The following NUDT22 variants were observed in gnomAD, a reference collection of about 807,000 sequenced individuals.
NUDT22 encodes nudix hydrolase 22.
NUDT22 carries 23 observed loss-of-function variants against 28.8 expected under a neutral mutation model. The ratio of observed to expected loss-of-function variants is 0.80; its 90% CI spans 0.58 to 1.13. The LOEUF (loss-of-function observed/expected upper bound fraction) is 1.13. NUDT22 is among the 50% of genes most tolerant of loss of function. NUDT22 has a pLI of 0.00. For synonymous variants in NUDT22, 175 were observed against 173.7 expected (o/e 1.01, Z -0.06); for missense variants, 358 against 387.3 (o/e 0.92, Z 0.64).
intron 2 of NUDT22, 74 bp from the exon 3 acceptor site, chr11:64,227,494 G>A: frequency 8.8e-7 from 1 of 1,140,584 alleles, no homozygotes; most frequent in Non-Finnish European, 1.3e-6. Context: ...AGGCCAGCAG[G>A]TATAGGCTTG....
At chr11:64,226,449 G>T in intron 1 of NUDT22, 22 bp downstream of exon 1, 1 of 1,398,774 alleles carries the variant, frequency 7.1e-7, no homozygotes, top group Non-Finnish European at 9.2e-7. Context: ...CGGGCGTCCT[G>T]GATACCCTGC....
chr11:64,228,305 G>A lies in NUDT22; in HGVS notation c.579+639G>A, dbSNP rs570656119. 5.3e-5 allele frequency among the ~76,000 whole-genome samples: 8 copies of A among 150,946 alleles called. No homozygotes were observed. The South Asian group carries it at 1.3e-3, about 24-fold the overall frequency. Reference sequence around the variant, plus strand: ...TCAAGTGATTCTCATGCCTTGCCCCGCCAAGGATTCTTCTTTTCAATGGAA... The same window carrying A: ...TCAAGTGATTCTCATGCCTTGCCCCACCAAGGATTCTTCTTTTCAATGGAA... On this transcript the variant is annotated intron_variant, in intron 3 of 5. Transcript: ENST00000279206.
rs144487413 is a variant in NUDT22, at chr11:64,229,264, C to T, written c.597C>T (p.Leu199=). The part of the protein sequence containing the change: ...EICDEVNLPL[L]TLSQPLLLGI... ...CACCGCAGGTGAACCTGCCGCTGCT[C>T]ACCCTGAGCCAGCCCCTGCTGTTGG... Residue 199 remains leucine (L), a synonymous_variant, in exon 4 of 6, where the codon CTC becomes CTT. Transcript: ENST00000279206. The T allele has an allele frequency of 5.0e-4, 787 of 1,584,694 alleles. 11 individuals are homozygous for T. The East Asian group carries it at 0.018, about 35-fold the overall frequency.
downstream of NUDT22, chr11:64,230,143 G>A (rs1410406097): frequency 4.4e-6 from 4 of 907,490 alleles, no homozygotes; most frequent in East Asian, 7.8e-5. Context: ...TCTGCAAGCA[G>A]GGGATAAGAA....
intron 3 of NUDT22, 92 bp from the exon 4 acceptor site, chr11:64,229,155 C>G: frequency 2.6e-6 from 2 of 778,746 alleles, no homozygotes; most frequent in South Asian, 3.5e-5. Flanking sequence ...ATGCTGTACA[C>G]AGGTAACAGG....
In NUDT22 at chr11:64,226,282, AG is replaced by A; in HGVS notation, c.-161del. 2 of 723,618 alleles carry A rather than the reference AG, an allele frequency of 2.8e-6. No individual in the cohort carries two copies. Among genetic ancestry groups the A allele is most frequent in the Non-Finnish European group, 3.7e-6 (2 of 535,780 alleles). The allele number at this position is 723,618 out of a possible 1,614,324, so 44.8% of individuals were successfully genotyped here. ...CGCTTCGGGGAAGGGGCGGAGCCTGAGGGACCCGGCGGCTGGTGAGCGCCCG... is the reference window on the plus strand; with the variant it reads ...CGCTTCGGGGAAGGGGCGGAGCCTGAGGACCCGGCGGCTGGTGAGCGCCCG... On this transcript the variant is annotated 5_prime_UTR_variant, in exon 1 of 6. Transcript: ENST00000279206.
chr11:64,226,461 G>T (rs2134969217), intron 1 of NUDT22, 34 bp downstream of exon 1: 1 of 1,408,592 alleles, frequency 7.1e-7, no homozygotes, highest in East Asian at 2.6e-5. Flanking sequence ...ATACCCTGCG[G>T]GACTCGGGGC....
In NUDT22 at chr11:64,226,694, G is replaced by A; in HGVS notation, c.42G>A (p.Gly14=). Residue 14 remains glycine (G), a synonymous_variant, in exon 2 of 6, where the codon GGG becomes GGA. Coordinates refer to ENST00000279206, the MANE Select transcript of NUDT22 (RefSeq NM_032344.4). ...CCTTGCTGCTGCAGTGCCCTGGCGGGGGCCTGCCCCAGGAGCAGATACAGG... is the reference window on the plus strand; with the variant it reads ...CCTTGCTGCTGCAGTGCCCTGGCGGAGGCCTGCCCCAGGAGCAGATACAGG... ...EVTLLLQCPG[G]GLPQEQIQAE... The A allele has an allele frequency of 6.2e-7, 1 of 1,608,798 alleles. No homozygotes were observed. The highest frequency in any genetic ancestry group is 1.3e-5 in the African/African-American group (1 of 74,966).
intron 5 of NUDT22, 83 bp from the exon 6 acceptor site, chr11:64,229,767 C>T: frequency 1.3e-6 from 2 of 1,572,456 alleles, no homozygotes; most frequent in Non-Finnish European, 1.7e-6. Flanking sequence ...GTGCAGAGGT[C>T]TCTGAGGCTC....
At chr11:64,228,978 A>G in intron 3 of NUDT22, 1 of 425,686 alleles carries the variant, frequency 2.3e-6, no homozygotes, top group Non-Finnish European at 4.2e-6. Context: ...TCTCAAAAAA[A>G]GAAAAAAAGA....
Position 64,229,947 on chromosome 11 carries a change from C to T in NUDT22, c.869C>T (p.Thr290Ile). ...ILYNRVQGSP[T>I]GAALGSPALL... ...TACAACCGGGTTCAGGGAAGTCCCA[C>T]TGGAGCGGCCCTAGGGTCCCCAGCC... The change falls in exon 6 of 6, where the codon ACT becomes ATT. Residue 290 changes from threonine (T) to isoleucine (I), a missense_variant. Transcript: ENST00000279206. 6.2e-7 allele frequency: 1 copy of T among 1,612,746 alleles called. No individual in the cohort carries two copies.
Position 64,229,940 on chromosome 11 carries a change from A to G in NUDT22, c.862A>G (p.Ser288Gly). The G allele has an allele frequency of 6.2e-7, 1 of 1,613,136 alleles. No individual in the cohort carries two copies. The highest frequency in any genetic ancestry group is 1.1e-5 in the South Asian group (1 of 91,084). Residue 288 changes from serine to glycine, a missense_variant, in exon 6 of 6, where the codon AGT (serine) becomes GGT (glycine). Physicochemically the swap from Ser to Gly is moderately conservative, Grantham distance 56. Transcript: ENST00000279206. ...AIILYNRVQG[S>G]PTGAALGSPA... Reference sequence around the variant, plus strand: ...CATCCTCTACAACCGGGTTCAGGGAAGTCCCACTGGAGCGGCCCTAGGGTC... The same window carrying G: ...CATCCTCTACAACCGGGTTCAGGGAGGTCCCACTGGAGCGGCCCTAGGGTC...
chr11:64,230,084 A>T, downstream of NUDT22: 5 of 1,070,024 alleles, frequency 4.7e-6, no homozygotes, highest in Non-Finnish European at 6.8e-6. Flanking sequence ...AGGCAGGACA[A>T]GTGACTTGGG....
At chr11:64,227,349 C>T (rs527788756) in intron 2 of NUDT22, 1 of 741,168 alleles carries the variant, frequency 1.3e-6, no homozygotes, top group East Asian at 2.7e-5. Context: ...AGATTGGGCA[C>T]AGGAAGAAGA....
At chr11:64,229,455 G>A (rs2134995263) in intron 4 of NUDT22, 23 bp from the exon 5 acceptor site, 3 of 1,613,364 alleles carry the variant, frequency 1.9e-6, no homozygotes, top group Non-Finnish European at 2.5e-6. Context: ...CACCCACTAA[G>A]CCACCCTTGT....
Position 64,226,661 on chromosome 11 carries a change from T to C in NUDT22, c.9T>C (p.Pro3=). The change falls in exon 2 of 6, where the codon CCT becomes CCC. Residue 3 remains proline, a synonymous_variant. Transcript: ENST00000279206. Reference sequence around the variant, plus strand: ...GCTGCCCCGTTCAGACCATGGATCCTGAGGTGACCTTGCTGCTGCAGTGCC... The same window carrying C: ...GCTGCCCCGTTCAGACCATGGATCCCGAGGTGACCTTGCTGCTGCAGTGCC... MD[P]EVTLLLQCPG... is the part of the protein sequence containing the mutation. 6.3e-7 allele frequency: 1 copy of C among 1,595,466 alleles called. No homozygotes were observed. Among genetic ancestry groups the C allele is most frequent in the Non-Finnish European group, 8.5e-7 (1 of 1,171,596 alleles).
At chr11:64,227,707 G>A in intron 3 of NUDT22, 41 bp downstream of exon 3, 1 of 1,530,964 alleles carries the variant, frequency 6.5e-7, no homozygotes, top group Non-Finnish European at 9.1e-7. Flanking sequence ...GACATGAAGG[G>A]AGGGGGTAGG....
Position 64,226,886 on chromosome 11 carries a change from G to T in NUDT22, c.234G>T (p.Leu78=). ...LAPIGSRGPQ[L]LLRLGLTSYR... is the part of the protein sequence containing the mutation. ...CTATTGGCTCTCGGGGGCCACAGCT[G>T]CTCCTGCGCCTGGGCCTTACTTCCT... Residue 78 remains leucine (L), a synonymous_variant, in exon 2 of 6, where the codon CTG becomes CTT. Transcript: ENST00000279206. 1 of 1,604,496 alleles carries T rather than the reference G, an allele frequency of 6.2e-7. No homozygotes were observed.
At chr11:64,226,517 G>A (rs567983449) in intron 1 of NUDT22, 90 bp downstream of exon 1, 6 of 1,487,140 alleles carry the variant, frequency 4.0e-6, no homozygotes, top group African/African-American at 2.8e-5. Context: ...GAGTGGTCAG[G>A]GGGGTGGAGA....
Sources: allele counts gnomAD v4.1 joint callset (sites outside exome capture counted in the v4.1 genomes callset), GRCh38; gene constraint gnomAD v4.1.1; transcripts MANE v1.5; gene names NCBI Gene and HGNC (gene_info 2026-07-23, HGNC 2026-07-21).